FARSA: variants seen among roughly 807,000 people sequenced by gnomAD.
FARSA encodes phenylalanyl-tRNA synthetase subunit alpha.
A neutral mutation model predicts 63.2 loss-of-function variants in FARSA; 37 were observed. That is an observed-to-expected ratio of 0.59 (90% CI 0.45 to 0.77). The LOEUF is 0.77. Among genes scored for constraint, FARSA ranks in the 30% least tolerant of loss-of-function variants. FARSA has a pLI of 0.00. For synonymous variants in FARSA, 312 were observed against 285.1 expected, an observed-to-expected ratio of 1.09 and a Z score of -0.95; for missense variants, 618 against 696.6, an observed-to-expected ratio of 0.89 and a Z score of 1.27.
In FARSA at chr19:12,925,102, T is replaced by C; in HGVS notation, c.914A>G (p.Tyr305Cys). Residue 305 changes from tyrosine to cysteine, a missense_variant, in exon 8 of 13, where the codon TAC becomes TGC. Tyr to Cys is a radical substitution (Grantham distance 194). Transcript: ENST00000314606. ...AGTCCTGCCTCACCCCTGTGAGCCG[T>C]AGCCGCCCTGAGAGTGGGTCCGCTT... ...RVKRTHSQGG[Y>C]GSQGYKYNWK... 6.2e-7 allele frequency: 1 copy of C among 1,612,214 alleles called. No homozygotes were observed. Among genetic ancestry groups the C allele is most frequent in the Non-Finnish European group, 8.5e-7 (1 of 1,179,552 alleles).
rs770490430 is a variant in FARSA, at chr19:12,924,860, C to T, written c.1026+44G>A. On this transcript the variant is annotated intron_variant, in intron 9 of 12. Coordinates refer to ENST00000314606, the MANE Select transcript of FARSA (RefSeq NM_004461.3). The surrounding 1 kb of genome is among the most constrained non-coding windows in gnomAD (Gnocchi z 6.4). ...GGTATGGGTCAGAAGGTCCCTTTGA[C>T]AGCACCCTCTCCCCACTGGGGCCCC... 1 of 1,613,962 alleles carries T rather than the reference C, an allele frequency of 6.2e-7. No homozygotes were observed. The highest frequency in any genetic ancestry group is 1.7e-5 in the Admixed American group (1 of 60,014).
intron 1 of FARSA, 91 bp downstream of exon 1, chr19:12,933,459 C>T (rs2146003689): frequency 6.9e-7 from 1 of 1,454,166 alleles, no homozygotes; most frequent in Non-Finnish European, 9.2e-7. Flanking sequence ...CAAACTAGGC[C>T]TGAGGGAATT....
At chr19:12,931,513 C>T (rs116992783) in intron 1 of FARSA, among the ~76,000 whole-genome samples, 3,090 of 152,258 alleles carry the variant, frequency 0.02, 48 homozygotes, top group Middle Eastern at 0.065. Flanking sequence ...CGGCCGACTC[C>T]GCCTCCCAAA....
rs757375482 is a variant in FARSA, at chr19:12,933,702, C to G, written c.-6G>C. The G allele has an allele frequency of 1.1e-5, 17 of 1,561,548 alleles. No homozygotes were observed. In the South Asian group the frequency reaches 2.0e-4, roughly 18 times the overall value. The stretch of plus-strand genomic sequence containing the variant: ...GCCACCTGACCATCCGCCATGACTC[C>G]TTCCAGTGTGCTCAGCGTGTCCGGG... On this transcript the variant is annotated 5_prime_UTR_variant, in exon 1 of 13. Transcript: ENST00000314606.
intron 4 of FARSA, among the ~76,000 whole-genome samples, chr19:12,929,901 C>G (rs1971370956): frequency 6.6e-6 from 1 of 152,088 alleles, no homozygotes; most frequent in Admixed American, 6.6e-5. Context: ...GAACAAGCAC[C>G]AAAGATGAAG....
chr19:12,924,251 C>G lies in FARSA; in HGVS notation c.1288G>C (p.Val430Leu). 2 of 1,614,078 alleles carry G rather than the reference C, an allele frequency of 1.2e-6. No homozygotes were observed. Among genetic ancestry groups the G allele is most frequent in the Non-Finnish European group, 1.7e-6 (2 of 1,179,986 alleles). The change falls in exon 12 of 13, where the codon GTG becomes CTG. Residue 430 changes from valine to leucine, a missense_variant. Physicochemically the swap from Val to Leu is conservative, Grantham distance 32 (BLOSUM62 1). Transcript: ENST00000314606. This position sits in a 1 kb window ranked among gnomAD's most constrained non-coding sequence, Gnocchi z 6.4. ...AAGACCCCCGAGTTTCCGACCTCCA[C>G]CCACTTCTTCAGGCCTGCAGAGGCA... is the stretch of plus-strand genomic sequence containing the variant. The part of the protein sequence containing the change: ...FSYHQGLKKW[V>L]EVGNSGVFRP...
At chr19:12,933,198 A>AGGCTGGGTCAGCTGTCAC (rs1971414785) in intron 1 of FARSA, 1 of 286,106 alleles carries the variant, frequency 3.5e-6, no homozygotes, top group East Asian at 9.5e-5. Context: ...CTGACCCCCA[A>AGGCTGGGTCAGCTGTCAC]GGCTGGGTCA....
intron 1 of FARSA, 29 bp downstream of exon 1, chr19:12,933,521 G>A: frequency 1.3e-6 from 2 of 1,536,628 alleles, no homozygotes; most frequent in South Asian, 1.2e-5. Flanking sequence ...GCAAGGGCAA[G>A]GCGGTCCGGC....
intron 4 of FARSA, among the ~76,000 whole-genome samples, chr19:12,929,587 A>G (rs2145999324): frequency 2.0e-5 from 3 of 152,312 alleles, no homozygotes; most frequent in Non-Finnish European, 4.4e-5. Context: ...CTAACACTTC[A>G]GCCTCCTGAG....
Position 12,928,335 on chromosome 19 carries a change from G to A in FARSA, c.841+7C>T. The A allele has an allele frequency of 1.9e-6, 3 of 1,612,548 alleles. No individual in the cohort carries two copies. The highest frequency in any genetic ancestry group is 8.5e-7 in the Non-Finnish European group (1 of 1,178,906). On this transcript the variant is annotated splice_region_variant and intron_variant, in intron 7 of 12. Transcript: ENST00000314606. ...ATGTCTCAGGGAGGCCCTAGGGGCT[G>A]ACCCACCTCGAAGGAAGAAGGTGTC...
intron 4 of FARSA, 45 bp downstream of exon 4, chr19:12,930,178 T>C (rs1254320860): frequency 1.4e-5 from 21 of 1,455,528 alleles, no homozygotes; most frequent in Non-Finnish European, 1.8e-5. Flanking sequence ...TCCACCATGC[T>C]TCGCAGGTGG....
At chr19:12,930,389 G>A in intron 3 of FARSA, 40 bp downstream of exon 3, 2 of 1,612,694 alleles carry the variant, frequency 1.2e-6, no homozygotes, top group East Asian at 2.2e-5. Context: ...GGGCCCATGT[G>A]CCCGTCCACC....
chr19:12,926,038 G>T (rs1035556660), intron 7 of FARSA, among the ~76,000 whole-genome samples: 1 of 150,910 alleles, frequency 6.6e-6, no homozygotes, highest in African/African-American at 2.4e-5. Flanking sequence ...GCGCGATCTC[G>T]GCTCACTGCA....
At chr19:12,931,270 C>CT (rs946693869) in intron 1 of FARSA, among the ~76,000 whole-genome samples, 26 of 147,828 alleles carry the variant, frequency 1.8e-4, no homozygotes, top group Admixed American at 5.4e-4. Flanking sequence ...TTTTAAATTA[C>CT]TTTTTTTTTT....
chr19:12,933,251 T>C (rs1971415118), intron 1 of FARSA: 2 of 405,210 alleles, frequency 4.9e-6, no homozygotes, highest in Non-Finnish European at 9.0e-6. Flanking sequence ...TCACTCTGGT[T>C]CTTGAAGCAC....
chr19:12,930,139 TG>T (rs1971373619), intron 4 of FARSA, 83 bp downstream of exon 4: 1 of 1,074,984 alleles, frequency 9.3e-7, no homozygotes, highest in South Asian at 1.4e-5. Flanking sequence ...GTGCTTGGTG[TG>T]GGCAAGATGT....
At chr19:12,928,868 G>C in intron 4 of FARSA, 21 bp from the exon 5 acceptor site, 1 of 1,608,870 alleles carries the variant, frequency 6.2e-7, no homozygotes, top group Non-Finnish European at 8.5e-7. Flanking sequence ...GGGAAGGAAG[G>C]GGACGCCACT....
chr19:12,925,085 C>G lies in FARSA; in HGVS notation c.926+5G>C. 1 of 1,613,136 alleles carries G rather than the reference C, an allele frequency of 6.2e-7. No homozygotes were observed. On this transcript the variant is annotated splice_donor_5th_base_variant and intron_variant, in intron 8 of 12. Coordinates refer to ENST00000314606, the MANE Select transcript of FARSA (RefSeq NM_004461.3). The stretch of plus-strand genomic sequence containing the variant: ...CCCTTCCATACCAGGTAAGTCCTGC[C>G]TCACCCCTGTGAGCCGTAGCCGCCC...
chr19:12,926,553 G>A lies in FARSA; in HGVS notation c.842-1379C>T, dbSNP rs142251002. The stretch of plus-strand genomic sequence containing the variant: ...CTCCCAAAGTGCTGGGATTACAGGC[G>A]TGAGCCACCGCGCCCGGCCTAAAGA... On this transcript the variant is annotated intron_variant, in intron 7 of 12. Transcript: ENST00000314606. Among the ~76,000 whole-genome samples, 1,292 of 152,064 alleles carry A rather than the reference G, an allele frequency of 8.5e-3. 19 individuals are homozygous for A. Among genetic ancestry groups the A allele is most frequent in the African/African-American group, 0.029 (1,220 of 41,474 alleles).
Sources: allele counts gnomAD v4.1 joint callset (sites outside exome capture counted in the v4.1 genomes callset), GRCh38; gene constraint gnomAD v4.1.1; non-coding constraint Gnocchi (gnomAD v3.1); transcripts MANE v1.5; gene names NCBI Gene and HGNC (gene_info 2026-07-23, HGNC 2026-07-21).